Variants in OR2M4 observed in about 807,000 individuals in gnomAD.
OR2M4 encodes olfactory receptor 2M4.
A neutral mutation model predicts 13.7 loss-of-function variants in OR2M4; 8 were observed. The observed-to-expected ratio is 0.58, with a 90% CI of 0.34 to 1.05. The LOEUF (loss-of-function observed/expected upper bound fraction) is 1.05. Among genes scored for constraint, OR2M4 ranks in the 50% least tolerant of loss-of-function variants. The pLI is 0.02. For synonymous variants in OR2M4, 152 were observed against 141.3 expected (o/e 1.08, Z -0.53); for missense variants, 374 against 381.6 (o/e 0.98, Z 0.17).
chr1:248,235,538 A>G (rs895508032), intron 1 of OR2M4, among the ~76,000 whole-genome samples: 6 of 152,124 alleles, frequency 3.9e-5, no homozygotes, highest in African/African-American at 1.4e-4. Context: ...TAATTCTGTG[A>G]AAAACGTCCA....
intron 1 of OR2M4, among the ~76,000 whole-genome samples, chr1:248,232,766 A>G (rs1395620938): frequency 1.3e-5 from 2 of 152,146 alleles, no homozygotes; most frequent in African/African-American, 4.8e-5. Flanking sequence ...TTATGTTGAT[A>G]CCTTCAAAAT....
intron 1 of OR2M4, among the ~76,000 whole-genome samples, chr1:248,232,807 C>T (rs528785098): frequency 1.3e-4 from 20 of 152,198 alleles, no homozygotes; most frequent in African/African-American, 4.8e-4. Flanking sequence ...TTTAGAGAGG[C>T]ATCAATATTT....
chr1:248,244,121 C>T lies in OR2M4; in HGVS notation c.*4257C>T, dbSNP rs1014924266. The T allele has an allele frequency of 4.6e-5, 7 of 152,238 alleles. No homozygotes were observed. The Middle Eastern group carries it at 0.01, about 222-fold the overall frequency. 9.4% of individuals were successfully genotyped at this position (152,238 alleles called of 1,614,324 possible). A position where few individuals can be genotyped will look rare whatever the true frequency, so the allele number is the denominator to read the frequency against. On this transcript the variant is annotated 3_prime_UTR_variant, in exon 2 of 2. Coordinates refer to ENST00000641868, the MANE Select transcript of OR2M4 (RefSeq NM_017504.2). ...GTGGGAATGTAAATTATAGTTGAGC[C>T]ACTGTGGAAAGCAGTTTGGAGATTT...
intron 1 of OR2M4, among the ~76,000 whole-genome samples, chr1:248,231,797 T>C (rs532232364): frequency 7.2e-5 from 11 of 152,232 alleles, no homozygotes; most frequent in South Asian, 6.2e-4. Context: ...CCTGGAAATG[T>C]CCTCATTTCT....
At position 248,239,479 on chromosome 1, in the gene OR2M4, T is replaced by C; in HGVS notation, c.551T>C (p.Leu184Pro). ...CACTTTTTCTGTGATGTTGCTGCCCTTTTACCTCTATCCTGCACAGAAACA... is the reference window on the plus strand; with the variant it reads ...CACTTTTTCTGTGATGTTGCTGCCCCTTTACCTCTATCCTGCACAGAAACA... ...IHHFFCDVAA[L>P]LPLSCTETSA... Residue 184 changes from leucine to proline, a missense_variant, in exon 2 of 2, where the codon CTT (leucine) becomes CCT (proline). Transcript: ENST00000641868. 1.2e-6 allele frequency: 2 copies of C among 1,613,956 alleles called. No individual in the cohort carries two copies. The highest frequency in any genetic ancestry group is 3.3e-5 in the Admixed American group (2 of 60,024).
At chr1:248,237,090 C>T (rs908447080) in intron 1 of OR2M4, among the ~76,000 whole-genome samples, 8 of 152,160 alleles carry the variant, frequency 5.3e-5, no homozygotes, top group Non-Finnish European at 7.3e-5. Context: ...GATACCAAAA[C>T]CTGGCAGAGA....
At chr1:248,236,445 C>G (rs1024533536) in intron 1 of OR2M4, among the ~76,000 whole-genome samples, 2 of 151,932 alleles carry the variant, frequency 1.3e-5, no homozygotes, top group Non-Finnish European at 2.9e-5. Flanking sequence ...ACTAAATGCC[C>G]ACATCAGAAA....
At chr1:248,237,426 G>A (rs1179766147) in intron 1 of OR2M4, among the ~76,000 whole-genome samples, 1 of 152,046 alleles carries the variant, frequency 6.6e-6, no homozygotes, top group Non-Finnish European at 1.5e-5. Flanking sequence ...GGCTGAGGTG[G>A]GTGGATCACC....
rs556852321 is a variant in OR2M4, at chr1:248,235,717, T to C, written c.-19-3193T>C. Among the ~76,000 whole-genome samples the C allele has an allele frequency of 5.3e-5, 8 of 152,174 alleles. 1 individual carries two copies. The highest frequency in any genetic ancestry group is 1.7e-4 in the African/African-American group (7 of 41,434). ...GTTCTCTTTGAAGGGGCCCTTCACATCCCTTGTTAGCTGTATTCCTAGGTG... is the reference window on the plus strand; with the variant it reads ...GTTCTCTTTGAAGGGGCCCTTCACACCCCTTGTTAGCTGTATTCCTAGGTG... On this transcript the variant is annotated intron_variant, in intron 1 of 1. Coordinates refer to ENST00000641868, the MANE Select transcript of OR2M4 (RefSeq NM_017504.2).
chr1:248,242,154 A>G lies in OR2M4; in HGVS notation c.*2290A>G, dbSNP rs1009165669. The G allele has an allele frequency of 2.0e-5, 3 of 152,214 alleles. No individual in the cohort carries two copies. Among genetic ancestry groups the G allele is most frequent in the African/African-American group, 7.2e-5 (3 of 41,450 alleles). 9.4% of individuals were successfully genotyped at this position (152,214 alleles called of 1,614,324 possible). ...ACTTGTATATGCTGATTCTTCACCA[A>G]TGAATTCAATTTTATTAATTCAATT... On this transcript the variant is annotated 3_prime_UTR_variant, in exon 2 of 2. Coordinates refer to ENST00000641868, the MANE Select transcript of OR2M4 (RefSeq NM_017504.2).
chr1:248,238,217 C>T, intron 1 of OR2M4, among the ~76,000 whole-genome samples: 1 of 152,082 alleles, frequency 6.6e-6, no homozygotes, highest in Admixed American at 6.5e-5. Flanking sequence ...TTCTTTTCCA[C>T]ACAGAATTGG....
At chr1:248,232,750 C>G (rs1558260260) in intron 1 of OR2M4, among the ~76,000 whole-genome samples, 1 of 152,058 alleles carries the variant, frequency 6.6e-6, no homozygotes, top group Non-Finnish European at 1.5e-5. Context: ...AGGTACTGCT[C>G]CTTCTTTATG....
chr1:248,239,002 C>T lies in OR2M4; in HGVS notation c.74C>T (p.Thr25Ile). The part of the protein sequence containing the change: ...LGIFNHSPTH[T>I]FLFSLVLGIF... The stretch of plus-strand genomic sequence containing the variant: ...ATCTTCAATCACAGTCCCACCCACA[C>T]CTTCCTTTTTTCTCTGGTCCTGGGC... Residue 25 changes from threonine (T) to isoleucine (I), a missense_variant, in exon 2 of 2, where the codon ACC becomes ATC. Physicochemically the swap from Thr to Ile is moderately conservative, Grantham distance 89. Coordinates refer to ENST00000641868, the MANE Select transcript of OR2M4 (RefSeq NM_017504.2). The T allele has an allele frequency of 6.2e-7, 1 of 1,613,988 alleles. No individual in the cohort carries two copies. Among genetic ancestry groups the T allele is most frequent in the East Asian group, 2.2e-5 (1 of 44,886 alleles).
Position 248,239,207 on chromosome 1 carries a change from T to C in OR2M4, c.279T>C (p.Ser93=). The change falls in exon 2 of 2, where the codon TCT becomes TCC. Residue 93 remains serine, a synonymous_variant. Transcript: ENST00000641868. ...FSYLSGKKSI[S]LAGCGTQIFF... is the part of the protein sequence containing the mutation. ...ACTTGTCTGGGAAGAAATCTATCTC[T>C]CTGGCAGGTTGTGGAACTCAGATAT... 1 of 1,614,130 alleles carries C rather than the reference T, an allele frequency of 6.2e-7. No individual in the cohort carries two copies. The highest frequency in any genetic ancestry group is 1.1e-5 in the South Asian group (1 of 91,078).
chr1:248,239,975 ACTT>A lies in OR2M4; in HGVS notation c.*115_*117del, dbSNP rs766973676. ...CTGGTAATTTGTATTAATATTTTCC[ACTT>A]CTTTTCAAAATTATCTATTCAGTAT... On this transcript the variant is annotated 3_prime_UTR_variant, in exon 2 of 2. Coordinates refer to ENST00000641868, the MANE Select transcript of OR2M4 (RefSeq NM_017504.2). The A allele has an allele frequency of 2.9e-6, 2 of 695,154 alleles. No homozygotes were observed. The highest frequency in any genetic ancestry group is 2.2e-5 in the South Asian group (1 of 44,604). 43.1% of individuals were successfully genotyped at this position (695,154 alleles called of 1,614,324 possible).
intron 1 of OR2M4, among the ~76,000 whole-genome samples, chr1:248,234,416 A>G (rs975021054): frequency 7.9e-5 from 12 of 152,066 alleles, no homozygotes; most frequent in African/African-American, 2.9e-4. Context: ...TAAGCCTCAC[A>G]TGCATTAAGT....
chr1:248,235,330 T>C (rs1421588668), intron 1 of OR2M4, among the ~76,000 whole-genome samples: 1 of 152,190 alleles, frequency 6.6e-6, no homozygotes, highest in East Asian at 1.9e-4. Context: ...TCAGGTCTTA[T>C]TTCTGAGATC....
intron 1 of OR2M4, among the ~76,000 whole-genome samples, chr1:248,237,974 A>G (rs1666574874): frequency 6.6e-6 from 1 of 152,186 alleles, no homozygotes; most frequent in African/African-American, 2.4e-5. Flanking sequence ...TATTGTAAAA[A>G]GAAGAAATCA....
chr1:248,237,116 A>G (rs1161517639), intron 1 of OR2M4, among the ~76,000 whole-genome samples: 1 of 152,186 alleles, frequency 6.6e-6, no homozygotes, highest in African/African-American at 2.4e-5. Context: ...CAAAAAGGGA[A>G]CACTTCAGGC....
Sources: gnomAD v4.1 joint callset for allele counts (sites outside exome capture counted in the v4.1 genomes callset) on GRCh38, gnomAD v4.1.1 for gene constraint, MANE v1.5 for transcripts, NCBI Gene and HGNC (gene_info 2026-07-23, HGNC 2026-07-21) for gene names.